The following NALF1 variants were observed in gnomAD, a reference collection of about 807,000 sequenced individuals.
NALF1 encodes family with sequence similarity 155 member A.
A neutral mutation model predicts 48.4 loss-of-function variants in NALF1; 3 were observed. The observed-to-expected ratio is 0.06, with a 90% CI of 0.03 to 0.16. The LOEUF (loss-of-function observed/expected upper bound fraction) is 0.16, where lower values mean the gene tolerates loss of function less well. NALF1 is among the 10% of genes least tolerant of loss of function. The pLI is 1.00. For missense variants in NALF1, 526 were observed against 571.5 expected (o/e 0.92, Z 0.81); for synonymous variants, 262 against 245.7 (o/e 1.07, Z -0.62).
At chr13:107,201,922 C>T (rs528378509) in intron 2 of NALF1, among the ~76,000 whole-genome samples, 5 of 152,028 alleles carry the variant, frequency 3.3e-5, no homozygotes, top group Non-Finnish European at 7.4e-5. Context: ...GTGGCGAGGT[C>T]GGCATTTTCA....
chr13:107,792,605 A>G (rs1337073994), intron 1 of NALF1, among the ~76,000 whole-genome samples: 1 of 152,126 alleles, frequency 6.6e-6, no homozygotes, highest in Non-Finnish European at 1.5e-5. Context: ...AACTACTATC[A>G]CCATGACAAT....
At chr13:107,209,901 T>A (rs1313557186) in intron 2 of NALF1, among the ~76,000 whole-genome samples, 1 of 152,194 alleles carries the variant, frequency 6.6e-6, no homozygotes, top group Non-Finnish European at 1.5e-5. Flanking sequence ...TATCTTTTTA[T>A]TTTTTAAAAA....
intron 1 of NALF1, among the ~76,000 whole-genome samples, chr13:107,850,606 T>G (rs1880283601): frequency 1.3e-5 from 2 of 152,120 alleles, no homozygotes; most frequent in South Asian, 4.1e-4. Flanking sequence ...GAAAGCGATA[T>G]TTAAAACATT....
chr13:107,283,617 A>ATTAT (rs71121515), intron 1 of NALF1, among the ~76,000 whole-genome samples: 8,197 of 145,474 alleles, frequency 0.056, 301 homozygotes, highest in East Asian at 0.13. Flanking sequence ...GCGGATCTTC[A>ATTAT]TTATTTATTT....
rs1282576815 is a variant in NALF1, at chr13:107,469,775, G to A, written c.916-259020C>T. On this transcript the variant is annotated intron_variant, in intron 1 of 2. Transcript: ENST00000375915. The stretch of plus-strand genomic sequence containing the variant: ...TTTTTTTTTTTTGAGACAGCGTCTC[G>A]CTCTGTTGCCCAGGCTGGAGTGCAG... 2.5e-4 allele frequency among the ~76,000 whole-genome samples: 27 copies of A among 110,132 alleles called. 1 individual carries two copies. Among genetic ancestry groups the A allele is most frequent in the Admixed American group, 2.1e-3 (16 of 7,580 alleles). 72.3% of individuals were successfully genotyped at this position (110,132 alleles called of 152,430 possible).
At chr13:107,252,328 T>A (rs766990146) in intron 1 of NALF1, among the ~76,000 whole-genome samples, 1 of 149,970 alleles carries the variant, frequency 6.7e-6, no homozygotes, top group Non-Finnish European at 1.5e-5. Flanking sequence ...ACGTGGAGAG[T>A]TGCTTCTCCT....
At chr13:107,649,885 G>A (rs1225418838) in intron 1 of NALF1, among the ~76,000 whole-genome samples, 1 of 152,088 alleles carries the variant, frequency 6.6e-6, no homozygotes. Context: ...TCAAATACAG[G>A]TTAGGCCCTG....
At chr13:107,761,427 C>T (rs1242814234) in intron 1 of NALF1, among the ~76,000 whole-genome samples, 1 of 151,668 alleles carries the variant, frequency 6.6e-6, no homozygotes, top group Non-Finnish European at 1.5e-5. Flanking sequence ...AATACATGCA[C>T]CTGTCTTTTA....
chr13:107,353,332 A>G (rs1882907666), intron 1 of NALF1, among the ~76,000 whole-genome samples: 1 of 152,224 alleles, frequency 6.6e-6, no homozygotes, highest in Non-Finnish European at 1.5e-5. Context: ...GTTTTCCTTC[A>G]ACCCTAAACC....
At chr13:107,183,341 C>T (rs1480328297) in intron 2 of NALF1, among the ~76,000 whole-genome samples, 5 of 152,154 alleles carry the variant, frequency 3.3e-5, no homozygotes, top group African/African-American at 1.2e-4. Flanking sequence ...AGTTAGGAAA[C>T]AACAGATGCT....
chr13:107,280,581 A>G (rs189407190), intron 1 of NALF1, among the ~76,000 whole-genome samples: 7 of 152,266 alleles, frequency 4.6e-5, no homozygotes, highest in Non-Finnish European at 1.0e-4. Context: ...TATAATCTAG[A>G]GTCTTAATGC....
intron 1 of NALF1, among the ~76,000 whole-genome samples, chr13:107,504,260 A>G (rs1457960980): frequency 6.6e-6 from 1 of 151,878 alleles, no homozygotes; most frequent in Non-Finnish European, 1.5e-5. Flanking sequence ...CAAAAAAAAA[A>G]AAAAAAAAAA....
chr13:107,480,222 TG>T (rs1370968501), intron 1 of NALF1, among the ~76,000 whole-genome samples: 3 of 152,114 alleles, frequency 2.0e-5, no homozygotes, highest in African/African-American at 7.2e-5. Context: ...CTCCAGTAAA[TG>T]TACCAAGAAC....
chr13:107,548,062 T>A (rs753292481), intron 1 of NALF1, among the ~76,000 whole-genome samples: 1 of 152,080 alleles, frequency 6.6e-6, no homozygotes, highest in African/African-American at 2.4e-5. Context: ...GTACAGATTA[T>A]TTCATCACCC....
intron 2 of NALF1, among the ~76,000 whole-genome samples, chr13:107,186,681 T>C (rs1337981912): frequency 3.9e-5 from 6 of 152,204 alleles, no homozygotes; most frequent in Non-Finnish European, 1.5e-5. Flanking sequence ...GCATATTTTC[T>C]AGGCAATTTT....
intron 1 of NALF1, among the ~76,000 whole-genome samples, chr13:107,576,014 C>A (rs1566400050): frequency 1.5e-5 from 2 of 133,516 alleles, no homozygotes; most frequent in Non-Finnish European, 1.7e-5. Flanking sequence ...GTGTGTGTAC[C>A]TGTGTCTGTA....
chr13:107,524,869 C>T (rs890530841), intron 1 of NALF1, among the ~76,000 whole-genome samples: 1 of 151,890 alleles, frequency 6.6e-6, no homozygotes, highest in African/African-American at 2.4e-5. Flanking sequence ...ATTTCTAGAG[C>T]CATAGTTCAG....
intron 1 of NALF1, among the ~76,000 whole-genome samples, chr13:107,523,059 T>C (rs1386507467): frequency 1.3e-5 from 2 of 152,196 alleles, no homozygotes; most frequent in Non-Finnish European, 2.9e-5. Flanking sequence ...TGTTACTATA[T>C]GAATGGATAA....
rs534537869 is a variant in NALF1, at chr13:107,535,130, G to A, written c.916-324375C>T. 3.3e-5 allele frequency among the ~76,000 whole-genome samples: 5 copies of A among 152,126 alleles called. No individual in the cohort carries two copies. The East Asian group carries it at 9.7e-4, about 29-fold the overall frequency. ...ATACAATCATGTCATCTGCAAACAG[G>A]GACAATTTGACTTCCTCTTTTCCTA... On this transcript the variant is annotated intron_variant, in intron 1 of 2. Transcript: ENST00000375915.
Sources: gnomAD v4.1 joint callset for allele counts (sites outside exome capture counted in the v4.1 genomes callset) on GRCh38, gnomAD v4.1.1 for gene constraint, MANE v1.5 for transcripts, NCBI Gene and HGNC (gene_info 2026-07-23, HGNC 2026-07-21) for gene names.